ABCC1: variants seen among roughly 807,000 people sequenced by gnomAD.
The protein encoded by ABCC1 is ATP binding cassette subfamily C member 1 (ABCC1 blood group), also known as multidrug resistance-associated protein 1.
In ABCC1, 83 loss-of-function variants were observed where a neutral mutation model predicts 172.9. That is an observed-to-expected ratio of 0.48 (90% CI 0.40 to 0.58). ABCC1 has a LOEUF of 0.58. Among genes scored for constraint, ABCC1 ranks in the 20% least tolerant of loss-of-function variants. The probability of loss-of-function intolerance (pLI) is 0.00; values close to 1 mark genes in which losing one functional copy is unlikely to be tolerated. For missense variants in ABCC1, 1,817 were observed against 2,002.7 expected (o/e 0.91, Z 1.77); for synonymous variants, 937 against 825.2 (o/e 1.14, Z -2.32).
intron 21 of ABCC1, among the ~76,000 whole-genome samples, chr16:16,111,048 C>T (rs1192184950): frequency 1.3e-5 from 2 of 151,984 alleles, no homozygotes; most frequent in Non-Finnish European, 2.9e-5. Context: ...TTACAGATGC[C>T]GACCACACAC....
intron 27 of ABCC1, among the ~76,000 whole-genome samples, chr16:16,133,947 T>G (rs1404552134): frequency 6.6e-6 from 1 of 152,156 alleles, no homozygotes; most frequent in East Asian, 1.9e-4. Flanking sequence ...CTTTCAGATA[T>G]TTCAACAACT....
intron 1 of ABCC1, among the ~76,000 whole-genome samples, chr16:15,997,816 TTTTTTTTTTTTC>T (rs1169722275): frequency 1.5e-5 from 2 of 137,564 alleles, no homozygotes; most frequent in African/African-American, 5.7e-5. Flanking sequence ...TTTTTTTTTT[TTTTTTTTTTTTC>T]CCTGAGACAG....
intron 18 of ABCC1, among the ~76,000 whole-genome samples, chr16:16,088,058 TGCCC>T (rs1162299020): frequency 3.3e-5 from 5 of 152,166 alleles, no homozygotes; most frequent in Non-Finnish European, 7.3e-5. Flanking sequence ...AAGTAATACA[TGCCC>T]ATTGTAACAA....
At chr16:16,045,724 T>C in intron 8 of ABCC1, 112 bp from the exon 9 acceptor site, 1 of 1,034,800 alleles carries the variant, frequency 9.7e-7, no homozygotes, top group South Asian at 1.6e-5. Flanking sequence ...ATTGAAGTGA[T>C]AGTGTCTAGC....
rs561809483 is a variant in ABCC1 at position 16,102,849 on chromosome 16, C to T, written c.2735+132C>T. 23 of 799,450 alleles carry T rather than the reference C, an allele frequency of 2.9e-5. No homozygotes were observed. The South Asian group carries it at 4.0e-4, about 14-fold the overall frequency. The allele number at this position is 799,450 out of a possible 1,614,324, so 49.5% of individuals were successfully genotyped here. ...GGGCTTTTACCTTCCCTCCCAAATC[C>T]TCCAAGGACCTTGCTTTTCAGAGTA... On this transcript the variant is annotated intron_variant, in intron 20 of 30. Coordinates refer to ENST00000399410, the MANE Select transcript of ABCC1 (RefSeq NM_004996.4).
intron 19 of ABCC1, 25 bp downstream of exon 19, chr16:16,090,613 C>T (rs756034260): frequency 2.6e-6 from 4 of 1,541,586 alleles, no homozygotes; most frequent in South Asian, 2.4e-5. Context: ...AGGGTTCCAC[C>T]CACTCAGGGT....
chr16:15,994,226 C>G (rs1023414896), intron 1 of ABCC1, among the ~76,000 whole-genome samples: 3 of 152,050 alleles, frequency 2.0e-5, no homozygotes, highest in African/African-American at 7.2e-5. Flanking sequence ...TCTCAAAAAA[C>G]AAAACCAGCT....
chr16:15,981,019 G>A (rs1379617494), intron 1 of ABCC1, among the ~76,000 whole-genome samples: 1 of 152,302 alleles, frequency 6.6e-6, no homozygotes, highest in African/African-American at 2.4e-5. Flanking sequence ...AATCCAGTGG[G>A]GCAGTCATTT....
intron 21 of ABCC1, among the ~76,000 whole-genome samples, chr16:16,110,272 T>C (rs1216077479): frequency 6.6e-6 from 1 of 151,990 alleles, no homozygotes; most frequent in Non-Finnish European, 1.5e-5. Flanking sequence ...TTTGTAGAGG[T>C]GAGATTTCAT....
intron 22 of ABCC1, among the ~76,000 whole-genome samples, chr16:16,114,235 T>C (rs2044744219): frequency 6.6e-6 from 1 of 152,192 alleles, no homozygotes; most frequent in South Asian, 2.1e-4. Flanking sequence ...ATAGAAGTTA[T>C]TCAGAGTCAT....
intron 28 of ABCC1, 113 bp downstream of exon 28, chr16:16,134,621 CGTTCTTTTTT>C: frequency 2.0e-6 from 1 of 495,096 alleles, no homozygotes; most frequent in African/African-American, 2.3e-5. Flanking sequence ...CCTACTTCAT[CGTTCTTTTTT>C]TTTTTTTTTT....
At chr16:16,133,244 C>T (rs1284730311) in intron 27 of ABCC1, among the ~76,000 whole-genome samples, 3 of 152,198 alleles carry the variant, frequency 2.0e-5, no homozygotes, top group Admixed American at 2.0e-4. Context: ...CTGCTTTCAC[C>T]TCTGAACATA....
intron 17 of ABCC1, among the ~76,000 whole-genome samples, chr16:16,084,664 C>T (rs560599582): frequency 3.4e-5 from 5 of 147,200 alleles, no homozygotes; most frequent in South Asian, 2.2e-4. Flanking sequence ...CTCTCTCTGT[C>T]GCCCAGGCTA....
chr16:15,997,116 G>A (rs1277207899), intron 1 of ABCC1, among the ~76,000 whole-genome samples: 1 of 149,844 alleles, frequency 6.7e-6, no homozygotes, highest in Admixed American at 6.6e-5. Context: ...TTTTGAGACG[G>A]AGTCTCGCTC....
chr16:15,983,549 A>C (rs1174936193), intron 1 of ABCC1, among the ~76,000 whole-genome samples: 1 of 85,450 alleles, frequency 1.2e-5, no homozygotes, highest in Non-Finnish European at 2.4e-5. Flanking sequence ...ATGGTACACC[A>C]CACTTTTTTT....
chr16:15,967,664 G>A (rs1222959022), intron 1 of ABCC1, among the ~76,000 whole-genome samples: 2 of 150,536 alleles, frequency 1.3e-5, no homozygotes, highest in African/African-American at 4.9e-5. Context: ...AGGAGGCTGA[G>A]GCGGGAGGTT....
chr16:15,992,603 G>A (rs573472765), intron 1 of ABCC1, among the ~76,000 whole-genome samples: 1 of 152,252 alleles, frequency 6.6e-6, no homozygotes, highest in East Asian at 1.9e-4. Flanking sequence ...GTTTTACCAT[G>A]TTGGCCAGGC....
chr16:16,108,916 G>A (rs976714065), intron 21 of ABCC1, among the ~76,000 whole-genome samples: 3 of 151,750 alleles, frequency 2.0e-5, no homozygotes, highest in South Asian at 2.1e-4. Context: ...TCTGACCCCC[G>A]AGCCCACCAC....
intron 1 of ABCC1, among the ~76,000 whole-genome samples, chr16:15,959,592 C>T (rs557334826): frequency 6.6e-6 from 1 of 152,338 alleles, no homozygotes; most frequent in South Asian, 2.1e-4. Flanking sequence ...TCCCAAAGTG[C>T]TGGGATTACA....
Sources: allele counts gnomAD v4.1 joint callset (sites outside exome capture counted in the v4.1 genomes callset), GRCh38; gene constraint gnomAD v4.1.1; transcripts MANE v1.5; gene names NCBI Gene and HGNC (gene_info 2026-07-23, HGNC 2026-07-21).